Variants in FAM120A observed in about 807,000 individuals in gnomAD.
FAM120A encodes constitutive coactivator of PPAR-gamma-like protein 1.
FAM120A carries 15 observed loss-of-function variants against 109.7 expected under a neutral mutation model. That is an observed-to-expected ratio of 0.14 (90% CI 0.09 to 0.21). The LOEUF is 0.21. Among genes scored for constraint, FAM120A ranks in the 10% least tolerant of loss-of-function variants. The pLI is 1.00. For missense variants in FAM120A, 899 were observed against 1,439.3 expected (o/e 0.62, Z 6.07); for synonymous variants, 493 against 572.8 (o/e 0.86, Z 1.99).
chr9:93,489,720 T>C (rs1309416893), intron 3 of FAM120A, among the ~76,000 whole-genome samples: 1 of 152,274 alleles, frequency 6.6e-6, no homozygotes, highest in African/African-American at 2.4e-5. Context: ...TACTCATATG[T>C]GTCATAACGT....
chr9:93,457,802 CTT>C lies in FAM120A; in HGVS notation c.474+5426_474+5427del, dbSNP rs34188475. On this transcript the variant is annotated intron_variant, in intron 1 of 17. Coordinates refer to ENST00000277165, the MANE Select transcript of FAM120A (RefSeq NM_014612.5). Reference sequence around the variant, plus strand: ...TTATCATGGTCATCTAAATCTCTTCCTTTTTTTTTTTTTTACTTTAAAATTAA... The same window carrying C: ...TTATCATGGTCATCTAAATCTCTTCCTTTTTTTTTTTTACTTTAAAATTAA... Among the ~76,000 whole-genome samples the C allele has an allele frequency of 2.8e-3, 411 of 145,934 alleles. 1 individual carries two copies. Among genetic ancestry groups the C allele is most frequent in the Non-Finnish European group, 4.2e-3 (278 of 66,444 alleles).
rs563338045 is a variant in FAM120A at position 93,505,364 on chromosome 9, C to A, written c.1030+6478C>A. On this transcript the variant is annotated intron_variant, in intron 5 of 17. Coordinates refer to ENST00000277165, the MANE Select transcript of FAM120A (RefSeq NM_014612.5). The stretch of plus-strand genomic sequence containing the variant: ...CGTGAGCCACTGCGCCCGGCCTGTT[C>A]GCTTGTGTTTCTGTTGGGTTGTTTT... 2.3e-3 allele frequency among the ~76,000 whole-genome samples: 346 copies of A among 152,168 alleles called. 1 individual carries two copies. Among genetic ancestry groups the A allele is most frequent in the African/African-American group, 8.1e-3 (335 of 41,522 alleles).
At chr9:93,476,841 C>A (rs908351668) in intron 3 of FAM120A, among the ~76,000 whole-genome samples, 1 of 152,106 alleles carries the variant, frequency 6.6e-6, no homozygotes, top group Admixed American at 6.5e-5. Flanking sequence ...CTTTTTCTCC[C>A]TTTTGATTCC....
At chr9:93,562,826 G>A (rs1415056948) in intron 17 of FAM120A, among the ~76,000 whole-genome samples, 2 of 151,874 alleles carry the variant, frequency 1.3e-5, no homozygotes, top group African/African-American at 2.4e-5. Flanking sequence ...CACGACACTC[G>A]GCTAATTTTT....
chr9:93,552,023 C>T (rs1862118918), intron 12 of FAM120A, among the ~76,000 whole-genome samples: 1 of 152,224 alleles, frequency 6.6e-6, no homozygotes, highest in Non-Finnish European at 1.5e-5. Flanking sequence ...GTCTTCGTCA[C>T]AGATTGTGCT....
chr9:93,471,921 T>C (rs1243506377), intron 2 of FAM120A, among the ~76,000 whole-genome samples: 3 of 152,208 alleles, frequency 2.0e-5, no homozygotes, highest in Non-Finnish European at 2.9e-5. Flanking sequence ...TTATGCTGAA[T>C]ACCCAGAAAG....
At chr9:93,539,713 G>A (rs1376147481) in intron 10 of FAM120A, among the ~76,000 whole-genome samples, 1 of 152,220 alleles carries the variant, frequency 6.6e-6, no homozygotes, top group East Asian at 1.9e-4. Flanking sequence ...CTTATTTCCT[G>A]TGGATTGAAT....
At chr9:93,475,802 T>G (rs978226281) in intron 2 of FAM120A, among the ~76,000 whole-genome samples, 1 of 152,234 alleles carries the variant, frequency 6.6e-6, no homozygotes, top group Non-Finnish European at 1.5e-5. Context: ...CATTTAATCT[T>G]GCTAAGAAAG....
At chr9:93,468,792 A>C (rs1391718560) in intron 1 of FAM120A, among the ~76,000 whole-genome samples, 1 of 152,126 alleles carries the variant, frequency 6.6e-6, no homozygotes, top group African/African-American at 2.4e-5. Flanking sequence ...TATTTAGTGA[A>C]TTAGTTTCTT....
At chr9:93,560,010 TG>T (rs374271169) in intron 15 of FAM120A, among the ~76,000 whole-genome samples, 17 of 152,298 alleles carry the variant, frequency 1.1e-4, no homozygotes, top group African/African-American at 4.1e-4. Flanking sequence ...TTTTTTATCT[TG>T]GGCCAGGCAC....
intron 9 of FAM120A, among the ~76,000 whole-genome samples, chr9:93,531,727 A>G (rs1046180059): frequency 2.0e-5 from 3 of 152,252 alleles, no homozygotes; most frequent in African/African-American, 7.2e-5. Context: ...TTATATTTTC[A>G]GGATACTCAG....
chr9:93,471,498 A>C, intron 2 of FAM120A, 111 bp downstream of exon 2: 1 of 1,376,394 alleles, frequency 7.3e-7, no homozygotes, highest in Middle Eastern at 2.4e-4. Context: ...CACACATTGA[A>C]AAGAACCAAG....
chr9:93,483,152 AG>A (rs1055250306), intron 3 of FAM120A, among the ~76,000 whole-genome samples: 13 of 152,260 alleles, frequency 8.5e-5, no homozygotes, highest in African/African-American at 2.9e-4. Flanking sequence ...TCATAGCAGG[AG>A]GGGGTAGTTC....
At chr9:93,557,422 A>G (rs747315577) in intron 13 of FAM120A, among the ~76,000 whole-genome samples, 44 of 152,172 alleles carry the variant, frequency 2.9e-4, no homozygotes, top group Middle Eastern at 6.8e-3. Context: ...GAGCTGTTGC[A>G]CCCAGCCAGG....
chr9:93,466,476 G>A (rs758755883), intron 1 of FAM120A, among the ~76,000 whole-genome samples: 10 of 151,998 alleles, frequency 6.6e-5, no homozygotes, highest in South Asian at 6.3e-4. Flanking sequence ...CTGGACCTAC[G>A]AGATGCTTTA....
chr9:93,453,497 T>C, intron 1 of FAM120A: 2 of 985,480 alleles, frequency 2.0e-6, no homozygotes, highest in East Asian at 2.3e-4. Context: ...GACATTTCCT[T>C]GAAACTGCTG....
At chr9:93,548,781 G>A (rs1408473655) in intron 11 of FAM120A, among the ~76,000 whole-genome samples, 1 of 152,084 alleles carries the variant, frequency 6.6e-6, no homozygotes. Flanking sequence ...AGTGGCTCAC[G>A]CCTGTAATCC....
chr9:93,480,294 C>T (rs182385123), intron 3 of FAM120A, among the ~76,000 whole-genome samples: 19 of 152,250 alleles, frequency 1.2e-4, no homozygotes, highest in Admixed American at 5.9e-4. Flanking sequence ...AAGATGTGGT[C>T]AATTCTATAA....
intron 1 of FAM120A, among the ~76,000 whole-genome samples, chr9:93,459,048 A>G (rs933546670): frequency 7.2e-5 from 11 of 152,270 alleles, no homozygotes; most frequent in African/African-American, 2.6e-4. Context: ...TAACTACTGT[A>G]CTGTGTCCTA....
Sources: allele counts gnomAD v4.1 joint callset (sites outside exome capture counted in the v4.1 genomes callset), GRCh38; gene constraint gnomAD v4.1.1; transcripts MANE v1.5; gene names NCBI Gene and HGNC (gene_info 2026-07-23, HGNC 2026-07-21).